Variants in PDE4D observed in about 807,000 individuals in gnomAD.
PDE4D encodes the protein phosphodiesterase 4D.
Under a neutral mutation model 87.4 loss-of-function variants are expected in PDE4D, and 24 were observed. The observed-to-expected ratio is 0.27, with a 90% CI of 0.20 to 0.39. The LOEUF is 0.39. Ranked by LOEUF, PDE4D falls within the 10% of genes least tolerant of loss-of-function variation. The probability of loss-of-function intolerance (pLI) is 1.00; values close to 1 mark genes in which losing one functional copy is unlikely to be tolerated. For synonymous variants in PDE4D, 384 were observed against 383.2 expected (o/e 1.00, Z -0.02); for missense variants, 714 against 1,041.0 (o/e 0.69, Z 4.32).
At chr5:59,196,511 T>C (rs74930585) in intron 2 of PDE4D, among the ~76,000 whole-genome samples, 2,358 of 152,326 alleles carry the variant, frequency 0.015, 47 homozygotes, top group African/African-American at 0.052. Context: ...GCAATTTCTC[T>C]TATGTACTTA....
At chr5:59,069,908 T>TA (rs759073548) in intron 5 of PDE4D, among the ~76,000 whole-genome samples, 1 of 152,202 alleles carries the variant, frequency 6.6e-6, no homozygotes, top group Non-Finnish European at 1.5e-5. Context: ...ATCTTTTTTT[T>TA]ACCCATAATT....
intron 2 of PDE4D, among the ~76,000 whole-genome samples, chr5:60,091,824 A>G (rs758995257): frequency 5.3e-5 from 8 of 151,984 alleles, no homozygotes; most frequent in Admixed American, 3.9e-4. Context: ...AGGCCGAGAC[A>G]GGCGGATCAC....
chr5:59,039,461 G>C, intron 5 of PDE4D: 1 of 991,616 alleles, frequency 1.0e-6, no homozygotes, highest in Non-Finnish European at 1.2e-6. Context: ...CGAGCCTTCT[G>C]CACGGCACTT....
chr5:59,979,421 G>GGTGTGTGTGTGTGTGTGTGT lies in PDE4D; in HGVS notation c.272+9047_272+9066dup, dbSNP rs60199601. Among the ~76,000 whole-genome samples, 485 of 147,710 alleles carry GGTGTGTGTGTGTGTGTGTGT rather than the reference G, an allele frequency of 3.3e-3. 16 individuals carry two copies. In the East Asian group the frequency reaches 0.065, roughly 20 times the overall value. On this transcript the variant is annotated intron_variant, in intron 3 of 16. Coordinates refer to the PDE4D transcript ENST00000502484. ...TATATCTAGCTTTCACACAGCAAGG[G>GGTGTGTGTGTGTGTGTGTGT]GTGTGTGTGTGTGTGTGTGTGTTTA...
chr5:60,444,456 G>A (rs1269053771), intron 1 of PDE4D, among the ~76,000 whole-genome samples: 2 of 152,124 alleles, frequency 1.3e-5, no homozygotes, highest in Non-Finnish European at 2.9e-5. Flanking sequence ...AGTACCAGTA[G>A]AGGAGGAAGA....
At chr5:59,236,608 T>A (rs1175579365) in intron 1 of PDE4D, among the ~76,000 whole-genome samples, 1 of 152,104 alleles carries the variant, frequency 6.6e-6, no homozygotes, top group African/African-American at 2.4e-5. Flanking sequence ...CTCATATTCC[T>A]CTATGCTGTG....
At chr5:60,103,919 C>T (rs1227466953) in intron 2 of PDE4D, among the ~76,000 whole-genome samples, 1 of 152,064 alleles carries the variant, frequency 6.6e-6, no homozygotes, top group Non-Finnish European at 1.5e-5. Flanking sequence ...TCTACAGCTC[C>T]CAGCATGAGC....
At chr5:60,392,416 A>G (rs573005506) in intron 1 of PDE4D, among the ~76,000 whole-genome samples, 1 of 152,330 alleles carries the variant, frequency 6.6e-6, no homozygotes, top group African/African-American at 2.4e-5. Context: ...CAGAAAAACG[A>G]CATTGAGAAA....
chr5:58,998,458 T>G (rs1306014017), intron 6 of PDE4D, among the ~76,000 whole-genome samples: 2 of 152,124 alleles, frequency 1.3e-5, no homozygotes, highest in Non-Finnish European at 2.9e-5. Context: ...AAGAAATGGC[T>G]AACAAAATTC....
intron 1 of PDE4D, among the ~76,000 whole-genome samples, chr5:60,222,882 G>T (rs1282256223): frequency 6.6e-6 from 1 of 152,056 alleles, no homozygotes; most frequent in Non-Finnish European, 1.5e-5. Context: ...ACAGGTTTTT[G>T]CTGTCAAAAC....
At chr5:59,890,755 G>T (rs950605596) in intron 1 of PDE4D, among the ~76,000 whole-genome samples, 2 of 152,120 alleles carry the variant, frequency 1.3e-5, no homozygotes, top group African/African-American at 4.8e-5. Context: ...CAAATTGCTC[G>T]CATCTTCTGG....
chr5:60,423,024 G>A (rs1232835972), intron 1 of PDE4D, among the ~76,000 whole-genome samples: 6 of 152,146 alleles, frequency 3.9e-5, no homozygotes, highest in Non-Finnish European at 8.8e-5. Context: ...CCCAATACAG[G>A]AGCATCCAGA....
chr5:59,120,041 C>T (rs1774234448), intron 5 of PDE4D, among the ~76,000 whole-genome samples: 1 of 152,060 alleles, frequency 6.6e-6, no homozygotes, highest in Non-Finnish European at 1.5e-5. Flanking sequence ...GTCTGTTCCC[C>T]AGGCTGGTCT....
Position 60,279,527 on chromosome 5 carries a change from C to T in PDE4D, c.-89-93840G>A, listed in dbSNP as rs145025508. 3.2e-4 allele frequency among the ~76,000 whole-genome samples: 49 copies of T among 152,124 alleles called. No individual in the cohort carries two copies. In the East Asian group the frequency reaches 8.9e-3, roughly 28 times the overall value. On this transcript the variant is annotated intron_variant, in intron 1 of 16. Coordinates refer to the PDE4D transcript ENST00000502484. ...TATAGATGTGACTGGGTCCACAATG[C>T]TTTTTCTGTTATTTACCTGGAATAT...
chr5:59,251,663 A>G lies in PDE4D; in HGVS notation c.456-35695T>C, dbSNP rs1004982501. ...AGCAGAACTACCGTTTGACCATGCA[A>G]TCCTATTACTGGGCATATTCCCAGA... On this transcript the variant is annotated intron_variant, in intron 1 of 14. Coordinates refer to ENST00000340635, the MANE Select transcript of PDE4D (RefSeq NM_001104631.2). 2.6e-5 allele frequency among the ~76,000 whole-genome samples: 4 copies of G among 152,278 alleles called. No individual in the cohort carries two copies. The East Asian group carries it at 7.7e-4, about 29-fold the overall frequency.
At chr5:59,706,034 C>G (rs1476671275) in intron 1 of PDE4D, among the ~76,000 whole-genome samples, 1 of 152,086 alleles carries the variant, frequency 6.6e-6, no homozygotes, top group Non-Finnish European at 1.5e-5. Context: ...TTTGGTCCAT[C>G]TCTAGACTAG....
chr5:60,104,872 T>C (rs531508579), intron 2 of PDE4D, among the ~76,000 whole-genome samples: 1 of 152,182 alleles, frequency 6.6e-6, no homozygotes, highest in African/African-American at 2.4e-5. Flanking sequence ...TACATCACCA[T>C]CATCAAAGAT....
chr5:59,885,563 T>C (rs546350861), intron 1 of PDE4D, among the ~76,000 whole-genome samples: 5 of 152,312 alleles, frequency 3.3e-5, no homozygotes, highest in Admixed American at 2.6e-4. Flanking sequence ...AAAGACTCAT[T>C]GAGAATTGGA....
chr5:59,123,732 C>A (rs796941007), intron 5 of PDE4D, among the ~76,000 whole-genome samples: 6 of 152,262 alleles, frequency 3.9e-5, no homozygotes, highest in African/African-American at 1.4e-4. Context: ...CTGAAAACTT[C>A]TGGGCTTGCA....
Sources: allele counts gnomAD v4.1 joint callset (sites outside exome capture counted in the v4.1 genomes callset), GRCh38; gene constraint gnomAD v4.1.1; transcripts MANE v1.5; gene names NCBI Gene and HGNC (gene_info 2026-07-23, HGNC 2026-07-21).